The following DPP6 variants were observed in gnomAD, a reference collection of about 807,000 sequenced individuals.
The protein encoded by DPP6 is dipeptidyl peptidase like 6.
A neutral mutation model predicts 122.6 loss-of-function variants in DPP6; 69 were observed. That is an observed-to-expected ratio of 0.56 (90% confidence interval 0.46 to 0.69). The LOEUF (loss-of-function observed/expected upper bound fraction) is 0.69, where lower values mean the gene tolerates loss of function less well. Ranked by LOEUF, DPP6 falls within the 30% of genes least tolerant of loss-of-function variation. DPP6 has a pLI of 0.00. For missense variants in DPP6, 928 were observed against 1,116.9 expected (o/e 0.83, Z 2.41); for synonymous variants, 418 against 433.1 (o/e 0.97, Z 0.43).
rs1042779882 is a variant in DPP6, at chr7:154,368,439, T to C, written c.244-77775T>C. ...GGGGTGAGGCTCAGCAATCTATGTT[T>C]TAACCCTTTTCCTGTTTGCTTTGAG... On this transcript the variant is annotated intron_variant, in intron 1 of 25. Coordinates refer to ENST00000377770, the MANE Select transcript of DPP6 (RefSeq NM_130797.4). Among the ~76,000 whole-genome samples, 69 of 152,240 alleles carry C rather than the reference T, an allele frequency of 4.5e-4. 1 individual carries two copies. The highest frequency in any genetic ancestry group is 3.9e-3 in the Admixed American group (59 of 15,288).
chr7:154,650,045 C>T lies in DPP6; in HGVS notation c.680+12172C>T, dbSNP rs139908508. 4.2e-3 allele frequency among the ~76,000 whole-genome samples: 644 copies of T among 152,218 alleles called. 7 individuals are homozygous for T. The highest frequency in any genetic ancestry group is 0.015 in the African/African-American group (608 of 41,522). ...AAACAGATTCAAAACTGTGGGCCTG[C>T]GCAGTGATTCATGCCTATAATCCCA... is the stretch of plus-strand genomic sequence containing the variant. On this transcript the variant is annotated intron_variant, in intron 6 of 25. Transcript: ENST00000377770.
At chr7:153,826,538 C>T in the DPP6 span, among the ~76,000 whole-genome samples, 9 of 152,138 alleles carry the variant, frequency 5.9e-5, no homozygotes, top group Admixed American at 2.6e-4. Context: ...TGTTTGCATA[C>T]ATATTCTGAA....
chr7:154,110,116 A>G (rs1806467843), intron 1 of DPP6, among the ~76,000 whole-genome samples: 1 of 151,560 alleles, frequency 6.6e-6, no homozygotes, highest in Non-Finnish European at 1.5e-5. Flanking sequence ...GGTGCTTCCT[A>G]ACATTTGTCA....
chr7:154,801,307 A>G, intron 12 of DPP6, 48 bp from the exon 13 acceptor site: 1 of 1,552,432 alleles, frequency 6.4e-7, no homozygotes, highest in Non-Finnish European at 8.7e-7. Flanking sequence ...ACCTCTTCAG[A>G]ATAAATGATG....
intron 1 of DPP6, among the ~76,000 whole-genome samples, chr7:154,272,840 C>A (rs1236078367): frequency 6.6e-6 from 1 of 152,182 alleles, no homozygotes; most frequent in Non-Finnish European, 1.5e-5. Flanking sequence ...TATCAATCTT[C>A]TGTTCACCCT....
Position 154,518,453 on chromosome 7 carries a change from CTGACTT to C in DPP6, c.458-22075_458-22070del, listed in dbSNP as rs541695154. Among the ~76,000 whole-genome samples the C allele has an allele frequency of 5.3e-3, 807 of 152,218 alleles. 3 individuals are homozygous for C. Among genetic ancestry groups the C allele is most frequent in the Non-Finnish European group, 8.2e-3 (561 of 68,018 alleles). ...TGCCGATTTTTTTGGCAAAATGACT[CTGACTT>C]TGAGAACAAACCAGTGTCCATGCCC... On this transcript the variant is annotated intron_variant, in intron 3 of 25. Coordinates refer to ENST00000377770, the MANE Select transcript of DPP6 (RefSeq NM_130797.4).
At chr7:154,797,054 A>G (rs1038484128) in intron 12 of DPP6, among the ~76,000 whole-genome samples, 6 of 152,234 alleles carry the variant, frequency 3.9e-5, no homozygotes, top group Non-Finnish European at 7.3e-5. Flanking sequence ...TGGACCAAAC[A>G]TATAAGCATA....
At chr7:154,860,390 G>A (rs1477953084) in intron 17 of DPP6, among the ~76,000 whole-genome samples, 32 of 152,330 alleles carry the variant, frequency 2.1e-4, no homozygotes, top group Non-Finnish European at 2.9e-4. Flanking sequence ...ACTGTCAGAC[G>A]TCCCTCTCGA....
chr7:153,905,964 G>A lies in DPP6; in HGVS notation c.51+18230G>A, dbSNP rs547653663. Among the ~76,000 whole-genome samples, 13 of 152,280 alleles carry A rather than the reference G, an allele frequency of 8.5e-5. No individual in the cohort carries two copies. In the South Asian group the frequency reaches 2.5e-3, roughly 29 times the overall value. On this transcript the variant is annotated intron_variant, in intron 1 of 25. Coordinates refer to the DPP6 transcript ENST00000404039. ...AGAGAAGCTTGGGTGGAAGGACTTC[G>A]AATACATAAAAGTTGGAACAAAATA...
At chr7:154,266,251 G>A (rs562193889) in intron 1 of DPP6, among the ~76,000 whole-genome samples, 1 of 152,258 alleles carries the variant, frequency 6.6e-6, no homozygotes, top group South Asian at 2.1e-4. Context: ...ACCATATCAG[G>A]GGTGTCCTCA....
At chr7:154,262,674 A>G (rs4726394) in intron 1 of DPP6, among the ~76,000 whole-genome samples, 39,805 of 146,786 alleles carry the variant, frequency 0.27, 5,579 homozygotes, top group Non-Finnish European at 0.32. Flanking sequence ...AAAAAAAAAG[A>G]CTAGAGACTC....
intron 1 of DPP6, among the ~76,000 whole-genome samples, chr7:154,388,733 G>A (rs1470431105): frequency 6.6e-6 from 1 of 152,118 alleles, no homozygotes; most frequent in Non-Finnish European, 1.5e-5. Context: ...GAATGGGGGT[G>A]GTTTGGGGTG....
intron 1 of DPP6, among the ~76,000 whole-genome samples, chr7:154,373,747 AT>A (rs1812874129): frequency 6.6e-6 from 1 of 151,946 alleles, no homozygotes; most frequent in East Asian, 1.9e-4. Flanking sequence ...GCTTTTCCTT[AT>A]CCCGAACGGA....
chr7:154,024,332 T>A (rs978601999), intron 1 of DPP6, among the ~76,000 whole-genome samples: 2 of 152,204 alleles, frequency 1.3e-5, no homozygotes, highest in African/African-American at 4.8e-5. Context: ...ATTTTTCTTG[T>A]CACCCACAAA....
rs1452646380 is a variant in DPP6 at position 154,457,130 on chromosome 7, G to A, written c.358+10802G>A. Among the ~76,000 whole-genome samples the A allele has an allele frequency of 1.3e-4, 10 of 75,292 alleles. 4 individuals are homozygous for A. The East Asian group carries it at 0.014, about 103-fold the overall frequency. The allele number at this position is 75,292 out of a possible 152,430, so 49.4% of individuals were successfully genotyped here. ...ATTTATTGAGAGTTTTTAGCATGAA[G>A]GGTTGTTGAATTTTGTCAAAAGTGG... On this transcript the variant is annotated intron_variant, in intron 2 of 25. Transcript: ENST00000377770.
At chr7:154,302,919 C>T (rs1258842285) in intron 1 of DPP6, among the ~76,000 whole-genome samples, 1 of 152,166 alleles carries the variant, frequency 6.6e-6, no homozygotes, top group East Asian at 1.9e-4. Flanking sequence ...GCAATGAATC[C>T]TTCCTAAGAT....
chr7:154,704,108 C>T (rs563218372), intron 7 of DPP6, among the ~76,000 whole-genome samples: 18 of 152,164 alleles, frequency 1.2e-4, no homozygotes, highest in Middle Eastern at 6.8e-3. Context: ...TCAACATTAC[C>T]AGGAGTTTAA....
At chr7:153,772,455 C>T in the DPP6 span, among the ~76,000 whole-genome samples, 2 of 151,410 alleles carry the variant, frequency 1.3e-5, no homozygotes, top group African/African-American at 2.4e-5. Flanking sequence ...AGGGCAACCA[C>T]CAATAAAATG....
In DPP6 at chr7:154,880,870, C is replaced by T. The variant is rs1805331490; in HGVS notation, c.2079-18C>T. On this transcript the variant is annotated intron_variant, in intron 20 of 25. Transcript: ENST00000377770. The stretch of plus-strand genomic sequence containing the variant: ...CAGGATGTGCACTGAACCCTCTTTC[C>T]CCTCCTCGACCTCACAGGACGATGC... 1 of 1,613,860 alleles carries T rather than the reference C, an allele frequency of 6.2e-7. No homozygotes were observed. The highest frequency in any genetic ancestry group is 8.5e-7 in the Non-Finnish European group (1 of 1,179,898).
Sources: allele counts gnomAD v4.1 joint callset (sites outside exome capture counted in the v4.1 genomes callset), GRCh38; gene constraint gnomAD v4.1.1; transcripts MANE v1.5; gene names NCBI Gene and HGNC (gene_info 2026-07-23, HGNC 2026-07-21).